CYP19A1: variants seen among roughly 807,000 people sequenced by gnomAD.
CYP19A1 encodes aromatase.
In CYP19A1, 32 loss-of-function variants were observed where a neutral mutation model predicts 44.4. That is an observed-to-expected ratio of 0.72 (90% CI 0.54 to 0.97). CYP19A1 has a LOEUF of 0.97. CYP19A1 is among the 50% of genes least tolerant of loss of function. CYP19A1 has a pLI of 0.00. For missense variants in CYP19A1, 598 were observed against 637.8 expected, an observed-to-expected ratio of 0.94 and a Z score of 0.67; for synonymous variants, 212 against 215.6, an observed-to-expected ratio of 0.98 and a Z score of 0.14.
chr15:51,240,977 C>T (rs958586112), intron 2 of CYP19A1, among the ~76,000 whole-genome samples: 1 of 152,318 alleles, frequency 6.6e-6, no homozygotes, highest in East Asian at 1.9e-4. Flanking sequence ...ATTTGTGGCT[C>T]TCAACCTTGG....
chr15:51,242,211 C>T, intron 2 of CYP19A1: 1 of 150,434 alleles, frequency 6.6e-6, no homozygotes, highest in Non-Finnish European at 1.5e-5. Context: ...TCTCCCACTA[C>T]CAGGCTCCCA....
At chr15:51,283,794 C>T (rs1272532008) in intron 1 of CYP19A1, among the ~76,000 whole-genome samples, 6 of 152,172 alleles carry the variant, frequency 3.9e-5, no homozygotes, top group African/African-American at 1.4e-4. Flanking sequence ...AGTGGCCCAC[C>T]TCAGGCCCCT....
At chr15:51,320,861 T>A (rs567434519) in intron 1 of CYP19A1, 1 of 152,366 alleles carries the variant, frequency 6.6e-6, no homozygotes, top group East Asian at 1.9e-4. Context: ...AATTATTTCA[T>A]CATGTAATCA....
chr15:51,297,075 T>A (rs2036009822), intron 1 of CYP19A1, among the ~76,000 whole-genome samples: 1 of 152,200 alleles, frequency 6.6e-6, no homozygotes, highest in African/African-American at 2.4e-5. Flanking sequence ...GACTTTTGTG[T>A]CCATCTCTCT....
At chr15:51,295,443 C>T (rs917159151) in intron 1 of CYP19A1, among the ~76,000 whole-genome samples, 4 of 152,166 alleles carry the variant, frequency 2.6e-5, no homozygotes, top group African/African-American at 4.8e-5. Context: ...TGCCTTGCCT[C>T]ACTGTAACTG....
intron 3 of CYP19A1, among the ~76,000 whole-genome samples, chr15:51,236,352 C>T (rs887350153): frequency 7.9e-5 from 12 of 152,194 alleles, no homozygotes; most frequent in Non-Finnish European, 1.6e-4. Context: ...AATTGCTAAT[C>T]AGATACCTCT....
chr15:51,282,329 C>T (rs190272224), intron 1 of CYP19A1, among the ~76,000 whole-genome samples: 10 of 152,342 alleles, frequency 6.6e-5, no homozygotes, highest in African/African-American at 1.2e-4. Flanking sequence ...CATAAAACCC[C>T]TCGTGGCCTC....
rs115198008 is a variant in CYP19A1 at position 51,317,410 on chromosome 15, G to A, written c.-39+21085C>T. 4.6e-3 allele frequency among the ~76,000 whole-genome samples: 696 copies of A among 152,268 alleles called. 8 individuals carry two copies. Among genetic ancestry groups the A allele is most frequent in the African/African-American group, 0.016 (675 of 41,574 alleles). On this transcript the variant is annotated intron_variant, in intron 1 of 9. Coordinates refer to ENST00000396402, the MANE Select transcript of CYP19A1 (RefSeq NM_000103.4). Reference sequence around the variant, plus strand: ...AGGCGTGAGCCACTGCGCCCGGCAAGAGAAAAATCACTTCTAACTTGCTAA... The same window carrying A: ...AGGCGTGAGCCACTGCGCCCGGCAAAAGAAAAATCACTTCTAACTTGCTAA...
chr15:51,336,589 C>A (rs971316110), intron 1 of CYP19A1, among the ~76,000 whole-genome samples: 5 of 152,076 alleles, frequency 3.3e-5, no homozygotes, highest in Non-Finnish European at 5.9e-5. Context: ...ACAAGAATAC[C>A]CAAGTGCCAG....
intron 1 of CYP19A1, among the ~76,000 whole-genome samples, chr15:51,299,655 C>T (rs2036071125): frequency 6.6e-6 from 1 of 152,210 alleles, no homozygotes; most frequent in Non-Finnish European, 1.5e-5. Flanking sequence ...GAATGAGCAC[C>T]CTCAGTGAGA....
chr15:51,234,049 A>C (rs2033219972), intron 3 of CYP19A1, among the ~76,000 whole-genome samples: 2 of 152,224 alleles, frequency 1.3e-5, no homozygotes, highest in Admixed American at 1.3e-4. Flanking sequence ...ACACAGTTGT[A>C]ATGACTACAG....
At chr15:51,246,480 C>T (rs1043741097) in intron 1 of CYP19A1, among the ~76,000 whole-genome samples, 1 of 152,198 alleles carries the variant, frequency 6.6e-6, no homozygotes, top group Non-Finnish European at 1.5e-5. Flanking sequence ...GCCTGTGCTA[C>T]GTGGAGCCTA....
rs1422164250 is a variant in CYP19A1, at chr15:51,211,014, C to T, written c.1306G>A (p.Gly436Ser). 1 of 1,592,638 alleles carries T rather than the reference C, an allele frequency of 6.3e-7. No homozygotes were observed. The highest frequency in any genetic ancestry group is 1.3e-5 in the African/African-American group (1 of 74,420). Reference sequence around the variant, plus strand: ...ATGGCGATGTACTTTCCTGCACAGCCACGGGGCCCAAAGCCAAATGGCTGA... The same window carrying T: ...ATGGCGATGTACTTTCCTGCACAGCTACGGGGCCCAAAGCCAAATGGCTGA... ...YFQPFGFGPRGCAGKYIAMVM... is the reference protein window; with the variant it reads ...YFQPFGFGPRSCAGKYIAMVM... Residue 436 changes from glycine to serine, a missense_variant, in exon 10 of 10, where the codon GGC becomes AGC. Physicochemically the swap from Gly to Ser is moderately conservative, Grantham distance 56. Transcript: ENST00000396402.
intron 1 of CYP19A1, among the ~76,000 whole-genome samples, chr15:51,314,706 T>A (rs2036389167): frequency 6.6e-6 from 1 of 152,178 alleles, no homozygotes; most frequent in Admixed American, 6.5e-5. Flanking sequence ...CAATTCTAAC[T>A]CTTCTAGAAA....
intron 1 of CYP19A1, chr15:51,277,836 C>A (rs565485387): frequency 5.3e-5 from 8 of 150,296 alleles, no homozygotes; most frequent in African/African-American, 2.0e-4. Flanking sequence ...TTAAAAAAAT[C>A]AAAAAGCAGT....
intron 1 of CYP19A1, among the ~76,000 whole-genome samples, chr15:51,304,497 A>C (rs963187805): frequency 1.3e-5 from 2 of 152,210 alleles, no homozygotes; most frequent in African/African-American, 2.4e-5. Flanking sequence ...TTCCAACCCA[A>C]GCCCACTCCC....
rs1217760106 is a variant in CYP19A1, at chr15:51,211,049, T to A, written c.1271A>T (p.Tyr424Phe). 1 of 1,580,250 alleles carries A rather than the reference T, an allele frequency of 6.3e-7. No homozygotes were observed. Among genetic ancestry groups the A allele is most frequent in the South Asian group, 1.1e-5 (1 of 90,360 alleles). ...TLENFAKNVP[Y>F]RYFQPFGFGP... ...AAAGCCAAATGGCTGAAAGTACCTA[T>A]AAGGAACCTATGAAAATGATCAGAC... Residue 424 changes from tyrosine to phenylalanine, a missense_variant, in exon 10 of 10, where the codon TAT becomes TTT. Transcript: ENST00000396402.
chr15:51,243,688 G>A (rs28757162), intron 1 of CYP19A1, among the ~76,000 whole-genome samples: 9,401 of 152,336 alleles, frequency 0.062, 391 homozygotes, highest in Middle Eastern at 0.13. Context: ...GAAGGAGGAA[G>A]AAAGAGAGAA....
At chr15:51,280,251 A>G (rs562922030) in intron 1 of CYP19A1, among the ~76,000 whole-genome samples, 3 of 149,632 alleles carry the variant, frequency 2.0e-5, no homozygotes, top group East Asian at 2.0e-4. Context: ...GCCCGCCACC[A>G]TGCCCGGCTA....
Sources: gnomAD v4.1 joint callset for allele counts (sites outside exome capture counted in the v4.1 genomes callset) on GRCh38, gnomAD v4.1.1 for gene constraint, MANE v1.5 for transcripts, NCBI Gene and HGNC (gene_info 2026-07-23, HGNC 2026-07-21) for gene names.